The following NRG3 variants were observed in gnomAD, a reference collection of about 807,000 sequenced individuals.
NRG3 encodes pro-neuregulin-3, membrane-bound isoform.
In NRG3, 31 loss-of-function variants were observed where a neutral mutation model predicts 66.9. That is an observed-to-expected ratio of 0.46 (90% CI 0.35 to 0.63). The LOEUF (loss-of-function observed/expected upper bound fraction) is 0.63, where lower values mean the gene tolerates loss of function less well. Ranked by LOEUF, NRG3 falls within the 20% of genes least tolerant of loss-of-function variation. NRG3 has a pLI of 0.00. For synonymous variants in NRG3, 393 were observed against 359.4 expected (o/e 1.09, Z -1.06); for missense variants, 910 against 878.9 (o/e 1.04, Z -0.45).
chr10:82,134,340 A>T (rs939043464), intron 1 of NRG3, among the ~76,000 whole-genome samples: 1 of 152,006 alleles, frequency 6.6e-6, no homozygotes, highest in Non-Finnish European at 1.5e-5. Flanking sequence ...GCTTTTTCCT[A>T]TGTCTAGGAT....
chr10:82,144,227 A>G (rs1006230613), intron 1 of NRG3, among the ~76,000 whole-genome samples: 6 of 152,170 alleles, frequency 3.9e-5, no homozygotes, highest in Admixed American at 2.6e-4. Context: ...GTCAACTACT[A>G]TGTGGTTGAT....
chr10:82,447,179 G>A (rs577247938), intron 2 of NRG3, among the ~76,000 whole-genome samples: 26 of 152,358 alleles, frequency 1.7e-4, no homozygotes, highest in Non-Finnish European at 3.4e-4. Flanking sequence ...GGGCAGAAAT[G>A]GATGCTTCTC....
intron 2 of NRG3, among the ~76,000 whole-genome samples, chr10:82,391,612 G>A (rs2086370433): frequency 6.6e-6 from 1 of 152,116 alleles, no homozygotes; most frequent in Admixed American, 6.6e-5. Context: ...CCCTTCCCAT[G>A]TGTGGTCACA....
At chr10:82,773,623 C>T (rs986972415) in intron 3 of NRG3, among the ~76,000 whole-genome samples, 3 of 151,904 alleles carry the variant, frequency 2.0e-5, no homozygotes, top group African/African-American at 7.2e-5. Context: ...GTTTTTGTAG[C>T]TTGAAATTTA....
intron 1 of NRG3, among the ~76,000 whole-genome samples, chr10:81,999,531 A>C (rs2061082801): frequency 6.6e-6 from 1 of 152,190 alleles, no homozygotes; most frequent in Non-Finnish European, 1.5e-5. Flanking sequence ...AGGAGAGGTC[A>C]GGTCATTTTG....
At chr10:82,930,467 T>G (rs528235384) in intron 4 of NRG3, among the ~76,000 whole-genome samples, 2 of 152,252 alleles carry the variant, frequency 1.3e-5, no homozygotes, top group East Asian at 3.9e-4. Flanking sequence ...GACTTTTGAG[T>G]GCCTTTTCGG....
intron 2 of NRG3, among the ~76,000 whole-genome samples, chr10:82,581,270 T>A (rs2046341015): frequency 6.6e-6 from 1 of 152,046 alleles, no homozygotes; most frequent in Admixed American, 6.6e-5. Flanking sequence ...TCCCACTTTT[T>A]AATTAGGTTG....
At chr10:82,442,657 C>A (rs933435713) in intron 2 of NRG3, among the ~76,000 whole-genome samples, 1 of 151,654 alleles carries the variant, frequency 6.6e-6, no homozygotes, top group Non-Finnish European at 1.5e-5. Context: ...TCAGTGTTAC[C>A]TATGGAAAGA....
chr10:82,150,601 C>G (rs2070667156), intron 1 of NRG3, among the ~76,000 whole-genome samples: 1 of 135,190 alleles, frequency 7.4e-6, no homozygotes. Flanking sequence ...GATAAACAAA[C>G]CAACAAACAA....
intron 1 of NRG3, among the ~76,000 whole-genome samples, chr10:82,110,506 G>A (rs982625292): frequency 2.6e-5 from 4 of 152,118 alleles, no homozygotes; most frequent in South Asian, 2.1e-4. Flanking sequence ...AGGTAACAAC[G>A]GAAACACAGA....
intron 5 of NRG3, among the ~76,000 whole-genome samples, chr10:82,958,403 C>A (rs1402197467): frequency 6.6e-6 from 1 of 152,088 alleles, no homozygotes; most frequent in East Asian, 1.9e-4. Context: ...GTATAACTAG[C>A]TCTTTAAGAG....
intron 1 of NRG3, among the ~76,000 whole-genome samples, chr10:81,907,610 G>C (rs1254846285): frequency 6.6e-6 from 1 of 152,170 alleles, no homozygotes; most frequent in Non-Finnish European, 1.5e-5. Flanking sequence ...TAAAGGAGCT[G>C]ATGTTATGGA....
In NRG3 at chr10:82,669,909, CAGAG is replaced by C. The variant is rs1217751924; in HGVS notation, c.954-68662_954-68659del. On this transcript the variant is annotated intron_variant, in intron 2 of 8. Transcript: ENST00000372141. ...CACCACTGCACTCCAGCCTGGGCGA[CAGAG>C]AGAGACTCTGTCTCAAAAAAAAAAA... 6.1e-5 allele frequency among the ~76,000 whole-genome samples: 9 copies of C among 148,676 alleles called. No homozygotes were observed. In the East Asian group the frequency reaches 1.8e-3, roughly 29 times the overall value.
chr10:82,269,026 G>A (rs1415519848), intron 1 of NRG3, among the ~76,000 whole-genome samples: 2 of 151,934 alleles, frequency 1.3e-5, no homozygotes, highest in African/African-American at 4.8e-5. Context: ...TGACTCCTTT[G>A]CAATGCACTT....
intron 2 of NRG3, among the ~76,000 whole-genome samples, chr10:82,672,144 G>A (rs1478256381): frequency 3.3e-5 from 5 of 152,200 alleles, no homozygotes; most frequent in Admixed American, 2.6e-4. Context: ...CTGAGACAGT[G>A]AAGACTAAGC....
At chr10:82,351,986 T>G (rs2083463257) in intron 1 of NRG3, among the ~76,000 whole-genome samples, 1 of 152,238 alleles carries the variant, frequency 6.6e-6, no homozygotes, top group Non-Finnish European at 1.5e-5. Flanking sequence ...CTGCTTTTCT[T>G]AGCCTATAGA....
chr10:82,014,273 A>G (rs781303103), intron 1 of NRG3, among the ~76,000 whole-genome samples: 2 of 152,218 alleles, frequency 1.3e-5, no homozygotes, highest in African/African-American at 4.8e-5. Flanking sequence ...AAACTCCTCA[A>G]CATTTCTGTG....
intron 1 of NRG3, among the ~76,000 whole-genome samples, chr10:82,301,686 C>A (rs1409049830): frequency 4.4e-5 from 6 of 137,694 alleles, no homozygotes; most frequent in Non-Finnish European, 6.3e-5. Context: ...ACATATATTC[C>A]TATATATATA....
chr10:82,234,973 T>A (rs1250972021), intron 1 of NRG3, among the ~76,000 whole-genome samples: 1 of 152,276 alleles, frequency 6.6e-6, no homozygotes. Flanking sequence ...GAGAAGGGGC[T>A]TCATTTTAGT....
Sources: allele counts gnomAD v4.1 joint callset (sites outside exome capture counted in the v4.1 genomes callset), GRCh38; gene constraint gnomAD v4.1.1; transcripts MANE v1.5; gene names NCBI Gene and HGNC (gene_info 2026-07-23, HGNC 2026-07-21).